Variants in RIMS1 observed in about 807,000 individuals in gnomAD.
RIMS1 encodes regulating synaptic membrane exocytosis 1, also known as regulating synaptic membrane exocytosis protein 1.
A neutral mutation model predicts 214.1 loss-of-function variants in RIMS1; 83 were observed. That is an observed-to-expected ratio of 0.39 (90% CI 0.32 to 0.47). The LOEUF (loss-of-function observed/expected upper bound fraction) is 0.47. RIMS1 is among the 20% of genes least tolerant of loss of function. The pLI, the probability that RIMS1 is intolerant of heterozygous loss-of-function variation, is 0.99. For synonymous variants in RIMS1, 793 were observed against 786.8 expected (o/e 1.01, Z -0.13); for missense variants, 2,050 against 2,161.8 (o/e 0.95, Z 1.03).
intron 24 of RIMS1, among the ~76,000 whole-genome samples, chr6:72,286,815 C>G (rs931844871): frequency 6.6e-6 from 1 of 152,184 alleles, no homozygotes; most frequent in African/African-American, 2.4e-5. Context: ...CAGTTTTGCA[C>G]TGGTTTCTGG....
At chr6:71,961,200 G>A in intron 1 of RIMS1, among the ~76,000 whole-genome samples, 1 of 152,094 alleles carries the variant, frequency 6.6e-6, no homozygotes, top group East Asian at 1.9e-4. Context: ...GTCCTGCATG[G>A]ATCTTTCTGG....
chr6:72,251,006 C>A lies in RIMS1; in HGVS notation c.2458C>A (p.Arg820Ser), dbSNP rs1242159461. 1 of 1,566,928 alleles carries A rather than the reference C, an allele frequency of 6.4e-7. No homozygotes were observed. The highest frequency in any genetic ancestry group is 1.9e-5 in the Admixed American group (1 of 53,246). Residue 820 changes from arginine to serine, a missense_variant, in exon 14 of 34, where the codon CGT (arginine) becomes AGT (serine). Physicochemically the swap from Arg to Ser is moderately radical, Grantham distance 110 (BLOSUM62 -1). Around this residue, in one of 6 missense-constraint regions of RIMS1, gnomAD observed 889 missense variants for 885.5 expected, o/e 1.00. Transcript: ENST00000521978. ...AACTTTTGTCTATTCACATGTACAT[C>A]GTAGAGATTTTAGAGAACGAATGTT... ...NQTFVYSHVH[R>S]RDFRERMLEI...
rs139728742 is a variant in RIMS1 at position 72,131,227 on chromosome 6, A to G, written c.471+31241A>G. Among the ~76,000 whole-genome samples, 1,075 of 152,304 alleles carry G rather than the reference A, an allele frequency of 7.1e-3. 8 individuals are homozygous for G. Among genetic ancestry groups the G allele is most frequent in the South Asian group, 0.027 (131 of 4,830 alleles). ...CTATACTGAGCATAGTGGAAAGTGG[A>G]CCTGTTTCTCTCTAAAGATAAAGTA... On this transcript the variant is annotated intron_variant, in intron 4 of 33. Transcript: ENST00000521978.
intron 2 of RIMS1, among the ~76,000 whole-genome samples, chr6:72,015,980 G>C (rs1350111141): frequency 2.0e-5 from 3 of 152,134 alleles, no homozygotes; most frequent in Non-Finnish European, 4.4e-5. Flanking sequence ...ATCAAATTGA[G>C]AAAGTTCTAT....
intron 6 of RIMS1, chr6:72,216,992 G>T (rs2056369472): frequency 7.1e-7 from 1 of 1,400,018 alleles, no homozygotes; most frequent in Non-Finnish European, 9.3e-7. Context: ...GCCTTGTTTA[G>T]TGTCACTGTT....
chr6:72,325,777 G>T (rs530940894), intron 28 of RIMS1, among the ~76,000 whole-genome samples: 65 of 151,896 alleles, frequency 4.3e-4, no homozygotes, highest in Non-Finnish European at 9.3e-4. Flanking sequence ...TTAAGGTCCA[G>T]CTTACTTGAA....
At chr6:71,982,635 A>G (rs1798788251) in intron 2 of RIMS1, among the ~76,000 whole-genome samples, 1 of 152,076 alleles carries the variant, frequency 6.6e-6, no homozygotes, top group South Asian at 2.1e-4. Context: ...GTGCTCCCTA[A>G]GTGTAATCAG....
intron 2 of RIMS1, among the ~76,000 whole-genome samples, chr6:72,011,393 C>T (rs1810534452): frequency 6.6e-6 from 1 of 152,160 alleles, no homozygotes; most frequent in African/African-American, 2.4e-5. Context: ...AAAACCTAGG[C>T]AATACCATTC....
intron 29 of RIMS1, among the ~76,000 whole-genome samples, chr6:72,355,479 A>T (rs1345979279): frequency 6.6e-6 from 1 of 151,984 alleles, no homozygotes; most frequent in Non-Finnish European, 1.5e-5. Context: ...TATTAAAATT[A>T]TTGTTCCTTG....
intron 1 of RIMS1, among the ~76,000 whole-genome samples, chr6:71,903,858 GA>G (rs1376892804): frequency 6.6e-6 from 1 of 151,990 alleles, no homozygotes; most frequent in Non-Finnish European, 1.5e-5. Flanking sequence ...TGAGACAAAA[GA>G]AAGATATTTC....
At chr6:72,292,129 G>A in intron 26 of RIMS1, 83 bp downstream of exon 26, 1 of 849,428 alleles carries the variant, frequency 1.2e-6, no homozygotes, top group South Asian at 1.9e-5. Context: ...TAAATGAATA[G>A]TATTTTGATT....
chr6:72,294,976 C>G (rs1248145872), intron 26 of RIMS1, among the ~76,000 whole-genome samples: 2 of 151,626 alleles, frequency 1.3e-5, no homozygotes, highest in African/African-American at 4.8e-5. Flanking sequence ...GGTTATATTT[C>G]AACACAATAT....
At chr6:72,387,438 T>C (rs2098632980) in intron 29 of RIMS1, among the ~76,000 whole-genome samples, 1 of 152,264 alleles carries the variant, frequency 6.6e-6, no homozygotes, top group South Asian at 2.1e-4. Context: ...GGCTTACCCC[T>C]GTCCTTTAAG....
chr6:72,300,554 A>G (rs1008700110), intron 26 of RIMS1, among the ~76,000 whole-genome samples: 1 of 151,796 alleles, frequency 6.6e-6, no homozygotes, highest in Admixed American at 6.6e-5. Context: ...TTCCTCAGTG[A>G]TTGGTTTTGT....
At chr6:72,396,802 C>G (rs1191727535) in intron 31 of RIMS1, among the ~76,000 whole-genome samples, 1 of 152,110 alleles carries the variant, frequency 6.6e-6, no homozygotes, top group Admixed American at 6.5e-5. Flanking sequence ...CACCGGAGGT[C>G]AGGAGTTTGA....
chr6:71,979,944 T>C (rs886075790), intron 2 of RIMS1, among the ~76,000 whole-genome samples: 1 of 152,116 alleles, frequency 6.6e-6, no homozygotes, highest in African/African-American at 2.4e-5. Flanking sequence ...TGAATATCAC[T>C]GAATTGGACC....
intron 2 of RIMS1, among the ~76,000 whole-genome samples, chr6:72,058,783 C>T (rs1384873763): frequency 6.6e-6 from 1 of 152,162 alleles, no homozygotes; most frequent in African/African-American, 2.4e-5. Context: ...TTAACATGAA[C>T]ATGAGAAACA....
intron 22 of RIMS1, among the ~76,000 whole-genome samples, chr6:72,271,286 A>AAT (rs1222564699): frequency 0.019 from 849 of 44,270 alleles, 13 homozygotes; most frequent in African/African-American, 0.054. Flanking sequence ...AAAAAAAAAA[A>AAT]ATATATATAT....
intron 2 of RIMS1, among the ~76,000 whole-genome samples, chr6:72,002,215 G>A (rs1189506798): frequency 2.6e-5 from 4 of 151,950 alleles, no homozygotes; most frequent in Non-Finnish European, 5.9e-5. Flanking sequence ...CAAAAAATAG[G>A]AAGTATCAGA....
Sources: allele counts gnomAD v4.1 joint callset (sites outside exome capture counted in the v4.1 genomes callset), GRCh38; gene constraint gnomAD v4.1.1; regional missense constraint gnomAD v4.1.1; transcripts MANE v1.5; gene names NCBI Gene and HGNC (gene_info 2026-07-23, HGNC 2026-07-21).